NEU4: variants seen among roughly 807,000 people sequenced by gnomAD.
NEU4 encodes the protein neuraminidase 4, also known as sialidase-4.
In NEU4, 7 loss-of-function variants were observed where a neutral mutation model predicts 9.9. The observed-to-expected ratio is 0.71, with a 90% CI of 0.40 to 1.33. The LOEUF (loss-of-function observed/expected upper bound fraction) is 1.33. NEU4 is among the 40% of genes most tolerant of loss of function. The pLI is 0.01. For synonymous variants in NEU4, 348 were observed against 316.9 expected, an observed-to-expected ratio of 1.10 and a Z score of -1.04; for missense variants, 717 against 712.6, an observed-to-expected ratio of 1.01 and a Z score of -0.07.
At position 241,814,644 on chromosome 2, in the gene NEU4, CTGG is replaced by C; in HGVS notation, c.163_165del (p.Val55del). 6.3e-7 allele frequency: 1 copy of C among 1,586,252 alleles called. No individual in the cohort carries two copies. The highest frequency in any genetic ancestry group is 8.6e-7 in the Non-Finnish European group (1 of 1,167,610). ...CCCTGACGACTCCCACGCCCACCGC[CTGG>C]TGCTGAGGAGGGGCACGCTGGCCGG... On this transcript the variant is annotated inframe_deletion, in exon 2 of 4. Coordinates refer to ENST00000407683, the MANE Select transcript of NEU4 (RefSeq NM_001167600.3).
intron 1 of NEU4, chr2:241,811,105 C>T (rs1039431334): frequency 6.8e-5 from 81 of 1,193,854 alleles, no homozygotes; most frequent in Middle Eastern, 6.6e-4. Context: ...AGCAGCAGAC[C>T]CGTGTCCCTC....
intron 1 of NEU4, chr2:241,811,342 G>A (rs757959584): frequency 1.4e-5 from 20 of 1,429,016 alleles, no homozygotes; most frequent in East Asian, 8.0e-5. Flanking sequence ...GGGTCCTGAC[G>A]TAGCCCTGAG....
chr2:241,817,078 G>A lies in NEU4; in HGVS notation c.*30G>A. Reference sequence around the variant, plus strand: ...CCTTCTGGCCGTGCCCATGCCCCTTGGGTGCCTGGGGCAGAGGGGTGGAAT... The same window carrying A: ...CCTTCTGGCCGTGCCCATGCCCCTTAGGTGCCTGGGGCAGAGGGGTGGAAT... On this transcript the variant is annotated 3_prime_UTR_variant, in exon 4 of 4. Transcript: ENST00000407683. 1 of 1,527,526 alleles carries A rather than the reference G, an allele frequency of 6.5e-7. No homozygotes were observed. Among genetic ancestry groups the A allele is most frequent in the Admixed American group, 2.0e-5 (1 of 48,896 alleles). 94.6% of individuals were successfully genotyped at this position (1,527,526 alleles called of 1,614,324 possible). A position where few individuals can be genotyped will look rare whatever the true frequency, so the allele number is the denominator to read the frequency against.
chr2:241,811,666 C>G, intron 1 of NEU4: 1 of 412,524 alleles, frequency 2.4e-6, no homozygotes. Context: ...GCCCCTCCAG[C>G]AAGAGGTCCC....
rs773017188 is a variant in NEU4, at chr2:241,816,555, C to T, written c.962C>T (p.Ala321Val). ...GTCCACGAACCCCCAGAGGAGGCTG[C>T]TGTAGACCCCCGTGGAGGCCAGGTG... is the stretch of plus-strand genomic sequence containing the variant. ...PGVHEPPEEAAVDPRGGQVPG... is the reference protein window; with the variant it reads ...PGVHEPPEEAVVDPRGGQVPG... The change falls in exon 4 of 4, where the codon GCT (alanine) becomes GTT (valine). Residue 321 changes from alanine to valine, a missense_variant. By Grantham distance (64) the Ala-to-Val change is moderately conservative. Transcript: ENST00000407683. 52 of 1,610,844 alleles carry T rather than the reference C, an allele frequency of 3.2e-5. No individual in the cohort carries two copies. In the Middle Eastern group the frequency reaches 5.0e-4, roughly 15 times the overall value.
rs761017484 is a variant in NEU4 at position 241,815,153 on chromosome 2, C to T, written c.457+6C>T. ...CATCGGTGGTGCCGTGCAGGGTAGG[C>T]GGGCAGGGTGCCGGTCTGGGTCCCT... On this transcript the variant is annotated splice_donor_region_variant and intron_variant, in intron 3 of 3. Transcript: ENST00000407683. The T allele has an allele frequency of 1.4e-5, 22 of 1,536,708 alleles. No homozygotes were observed. Among genetic ancestry groups the T allele is most frequent in the Middle Eastern group, 1.7e-4 (1 of 5,762 alleles).
chr2:241,815,077 C>T lies in NEU4; in HGVS notation c.387C>T (p.Ser129=). Residue 129 remains serine (S), a synonymous_variant, in exon 3 of 4, where the codon AGC becomes AGT. Transcript: ENST00000407683. ...CCGCGCGCCTCTGCTGTGTGGCCAG[C>T]CGTGACGCCGGCCTCTCGTGGGGCA... The part of the protein sequence containing the change: ...RNAARLCCVA[S]RDAGLSWGSA... 1 of 1,579,278 alleles carries T rather than the reference C, an allele frequency of 6.3e-7. No homozygotes were observed. Among genetic ancestry groups the T allele is most frequent in the Non-Finnish European group, 8.6e-7 (1 of 1,169,100 alleles).
chr2:241,814,579 C>A lies in NEU4; in HGVS notation c.95C>A (p.Pro32His), dbSNP rs75296549. The A allele has an allele frequency of 2.2e-4, 360 of 1,612,296 alleles. No individual in the cohort carries two copies. In the African/African-American group the frequency reaches 4.5e-3, roughly 20 times the overall value. ...YRVPSLLPVPPGPTLLAFVEQ... is the reference protein window; with the variant it reads ...YRVPSLLPVPHGPTLLAFVEQ... ...GTGCCCTCGCTGCTCCCCGTGCCCC[C>A]CGGGCCCACCCTGCTGGCCTTTGTG... The change falls in exon 2 of 4, where the codon CCC becomes CAC. Residue 32 changes from proline to histidine, a missense_variant. By Grantham distance (77) the Pro-to-His change is moderately conservative (BLOSUM62 -2). Coordinates refer to ENST00000407683, the MANE Select transcript of NEU4 (RefSeq NM_001167600.3).
intron 1 of NEU4, chr2:241,811,277 C>T (rs1700104821): frequency 7.9e-7 from 1 of 1,273,512 alleles, no homozygotes; most frequent in Non-Finnish European, 1.0e-6. Flanking sequence ...TGCCCATCTG[C>T]ACCCCTGGCC....
At chr2:241,813,362 C>G in intron 1 of NEU4, 1 of 1,050,162 alleles carries the variant, frequency 9.5e-7, no homozygotes. Context: ...GTGTGCCCGG[C>G]CTGGGCGGCT....
chr2:241,810,285 A>G (rs879660035), intron 1 of NEU4, among the ~76,000 whole-genome samples: 12 of 152,092 alleles, frequency 7.9e-5, no homozygotes, highest in Non-Finnish European at 1.6e-4. Context: ...AACCGTCTTC[A>G]CGAGCTCTGG....
intron 1 of NEU4, chr2:241,811,512 GC>G: frequency 6.9e-7 from 1 of 1,440,102 alleles, no homozygotes; most frequent in Non-Finnish European, 9.3e-7. Flanking sequence ...CTACCCGGGC[GC>G]CCGGGGTCAG....
chr2:241,810,721 G>A (rs920704482), intron 1 of NEU4: 8 of 157,654 alleles, frequency 5.1e-5, no homozygotes, highest in Admixed American at 1.4e-4. Flanking sequence ...ACTGGCAGGA[G>A]TCCTGCGGGG....
intron 1 of NEU4, chr2:241,809,667 GGGTAGACGGT>G: frequency 5.5e-6 from 1 of 182,668 alleles, no homozygotes; most frequent in East Asian, 1.8e-4. Context: ...CATATACCCT[GGGTAGACGGT>G]GGCTTGTCCA....
chr2:241,813,351 C>T lies in NEU4; in HGVS notation c.-3-1131C>T, dbSNP rs35675008. On this transcript the variant is annotated intron_variant, in intron 1 of 3. Coordinates refer to ENST00000407683, the MANE Select transcript of NEU4 (RefSeq NM_001167600.3). ...CCCTTAGCCCCGCATCCAGGTGCCC[C>T]GTGTGCCCGGCCTGGGCGGCTGGCC... 4.9e-5 allele frequency: 52 copies of T among 1,052,338 alleles called. No individual in the cohort carries two copies. The African/African-American group carries it at 5.3e-4, about 11-fold the overall frequency. 65.2% of individuals were successfully genotyped at this position (1,052,338 alleles called of 1,614,324 possible).
Position 241,814,988 on chromosome 2 carries a change from CTCT to C in NEU4, c.304_306del (p.Phe102del), listed in dbSNP as rs1220106135. On this transcript the variant is annotated inframe_deletion, in exon 3 of 4. Coordinates refer to ENST00000407683, the MANE Select transcript of NEU4 (RefSeq NM_001167600.3). ...CGATGCTGGCACGGGCACCGTCTTC[CTCT>C]TCTTCATCGCGGTGCTGGGCCACAC... The C allele has an allele frequency of 1.2e-6, 2 of 1,609,592 alleles. No homozygotes were observed. The highest frequency in any genetic ancestry group is 1.7e-6 in the Non-Finnish European group (2 of 1,179,610).
intron 1 of NEU4, chr2:241,811,462 G>A: frequency 6.4e-7 from 1 of 1,569,230 alleles, no homozygotes; most frequent in Non-Finnish European, 8.7e-7. Flanking sequence ...AAGGTGGCTG[G>A]TGAGTCCCTG....
rs1472430857 is a variant in NEU4 at position 241,816,889 on chromosome 2, C to A, written c.1296C>A (p.Gly432=). ...LASIGPAPEG[G]LVFACLYESG... ...CCATCGGGCCGGCCCCTGAGGGGGG[C>A]CTGGTTTTTGCCTGCCTGTACGAGA... The change falls in exon 4 of 4, where the codon GGC becomes GGA. Residue 432 remains glycine (G), a synonymous_variant. Coordinates refer to ENST00000407683, the MANE Select transcript of NEU4 (RefSeq NM_001167600.3). 2 of 1,612,660 alleles carry A rather than the reference C, an allele frequency of 1.2e-6. No individual in the cohort carries two copies. The highest frequency in any genetic ancestry group is 1.3e-5 in the African/African-American group (1 of 74,934).
rs1417614278 is a variant in NEU4 at position 241,814,911 on chromosome 2, T to C, written c.221T>C (p.Leu74Pro). 1 of 1,611,436 alleles carries C rather than the reference T, an allele frequency of 6.2e-7. No homozygotes were observed. The highest frequency in any genetic ancestry group is 8.5e-7 in the Non-Finnish European group (1 of 1,179,242). Residue 74 changes from leucine (L) to proline (P), a missense_variant, in exon 3 of 4, where the codon CTG becomes CCG. Coordinates refer to ENST00000407683, the MANE Select transcript of NEU4 (RefSeq NM_001167600.3). ...GSVRWGALHV[L>P]GTAALAEHRS... is the part of the protein sequence containing the mutation. ...GGGCAGTGGGGTGCCCTGCACGTGC[T>C]GGGGACAGCAGCCCTGGCGGAGCAC...
Sources: allele counts gnomAD v4.1 joint callset (sites outside exome capture counted in the v4.1 genomes callset), GRCh38; gene constraint gnomAD v4.1.1; transcripts MANE v1.5; gene names NCBI Gene and HGNC (gene_info 2026-07-23, HGNC 2026-07-21).